RAB3B: variants seen among roughly 807,000 people sequenced by gnomAD.
RAB3B encodes the protein RAB3B, member RAS oncogene family.
RAB3B carries 11 observed loss-of-function variants against 20.5 expected under a neutral mutation model. That is an observed-to-expected ratio of 0.54 (90% CI 0.34 to 0.89). The LOEUF (loss-of-function observed/expected upper bound fraction) is 0.89, where lower values mean the gene tolerates loss of function less well. RAB3B is among the 40% of genes least tolerant of loss of function. The probability of loss-of-function intolerance (pLI) is 0.02; values close to 1 mark genes in which losing one functional copy is unlikely to be tolerated. For missense variants in RAB3B, 225 were observed against 280.9 expected, an observed-to-expected ratio of 0.80 and a Z score of 1.42; for synonymous variants, 99 against 106.3, an observed-to-expected ratio of 0.93 and a Z score of 0.42.
chr1:51,985,562 C>T (rs909912622), intron 1 of RAB3B, among the ~76,000 whole-genome samples: 1 of 152,172 alleles, frequency 6.6e-6, no homozygotes, highest in Non-Finnish European at 1.5e-5. Flanking sequence ...CCAGCTTTCC[C>T]AGTAACTCAG....
rs1221017349 is a variant in RAB3B, at chr1:51,910,530, A to G, written c.*9397T>C. 5 of 152,196 alleles carry G rather than the reference A, an allele frequency of 3.3e-5. No homozygotes were observed. The highest frequency in any genetic ancestry group is 7.2e-5 in the African/African-American group (3 of 41,442). The allele number at this position is 152,196 out of a possible 1,614,324, so 9.4% of individuals were successfully genotyped here. A position where few individuals can be genotyped will look rare whatever the true frequency, so the allele number is the denominator to read the frequency against. On this transcript the variant is annotated 3_prime_UTR_variant, in exon 5 of 5. Transcript: ENST00000371655. ...ACAAATTGCTAAGATGCTTTCTGGC[A>G]GCCTCAGAAACCAGGACCATACGCC...
intron 4 of RAB3B, among the ~76,000 whole-genome samples, chr1:51,930,294 T>C (rs1684304715): frequency 6.6e-6 from 1 of 152,216 alleles, no homozygotes; most frequent in Non-Finnish European, 1.5e-5. Context: ...TTTGAGAGTA[T>C]TGGACATGCT....
At chr1:51,989,103 G>GCACACACACACACACACACACA (rs60307928) in intron 1 of RAB3B, among the ~76,000 whole-genome samples, 35 of 132,762 alleles carry the variant, frequency 2.6e-4, no homozygotes, top group South Asian at 1.0e-3. Context: ...CTGTGCGCGC[G>GCACACACACACACACACACACA]CACACACACA....
chr1:51,960,391 T>C (rs1017076070), intron 2 of RAB3B, among the ~76,000 whole-genome samples: 1 of 152,124 alleles, frequency 6.6e-6, no homozygotes, highest in African/African-American at 2.4e-5. Flanking sequence ...CTCCCAGCCA[T>C]CTGGGCCTCA....
rs776534915 is a variant in RAB3B at position 51,916,463 on chromosome 1, T to C, written c.*3464A>G. ...AAATCCTAGTACTAGAGTAGGTGAGTGTTAATGACCAGAAAAAAATAGTAA... is the reference window on the plus strand; with the variant it reads ...AAATCCTAGTACTAGAGTAGGTGAGCGTTAATGACCAGAAAAAAATAGTAA... On this transcript the variant is annotated 3_prime_UTR_variant, in exon 5 of 5. Coordinates refer to ENST00000371655, the MANE Select transcript of RAB3B (RefSeq NM_002867.4). The C allele has an allele frequency of 5.9e-5, 9 of 152,126 alleles. No homozygotes were observed. The highest frequency in any genetic ancestry group is 8.8e-5 in the Non-Finnish European group (6 of 68,028). The allele number at this position is 152,126 out of a possible 1,614,324, so 9.4% of individuals were successfully genotyped here.
chr1:51,931,551 C>A (rs1684323517), intron 4 of RAB3B, among the ~76,000 whole-genome samples: 1 of 152,068 alleles, frequency 6.6e-6, no homozygotes, highest in Non-Finnish European at 1.5e-5. Flanking sequence ...TAAAATTAAC[C>A]AAAACATATT....
chr1:51,924,342 A>G (rs1268553663), intron 4 of RAB3B, among the ~76,000 whole-genome samples: 1 of 152,216 alleles, frequency 6.6e-6, no homozygotes, highest in African/African-American at 2.4e-5. Context: ...CAGGGCACAG[A>G]GAAAGCATCT....
chr1:51,949,663 A>C (rs961759381), intron 2 of RAB3B, among the ~76,000 whole-genome samples: 1 of 152,212 alleles, frequency 6.6e-6, no homozygotes, highest in Non-Finnish European at 1.5e-5. Context: ...AAAGCTCCAG[A>C]GGGGTGTTAC....
intron 2 of RAB3B, among the ~76,000 whole-genome samples, chr1:51,962,785 C>T (rs1684801285): frequency 6.6e-6 from 1 of 152,168 alleles, no homozygotes; most frequent in Non-Finnish European, 1.5e-5. Context: ...AATCAAAGCC[C>T]GGCTCTCCCT....
intron 3 of RAB3B, among the ~76,000 whole-genome samples, chr1:51,934,296 C>T (rs1490113289): frequency 6.6e-6 from 1 of 152,112 alleles, no homozygotes; most frequent in African/African-American, 2.4e-5. Flanking sequence ...TCCTCCAGGG[C>T]CCAGTGCTGA....
At chr1:51,967,521 C>CTTTTTTTTTTTTTCTTTTTTTT (rs771044746) in intron 2 of RAB3B, among the ~76,000 whole-genome samples, 1 of 36,496 alleles carries the variant, frequency 2.7e-5, no homozygotes, top group Non-Finnish European at 5.7e-5. Context: ...TTTTCTTTTT[C>CTTTTTTTTTTTTTCTTTTTTTT]TTTTTTTTTT....
Position 51,918,092 on chromosome 1 carries a change from A to C in RAB3B, c.*1835T>G, listed in dbSNP as rs1423078088. ...GCCAAGCAAGCTAGAATAATGAGCT[A>C]ATTTATTCTGGTCTCTGAGTTTCTT... On this transcript the variant is annotated 3_prime_UTR_variant, in exon 5 of 5. Transcript: ENST00000371655. 6.6e-6 allele frequency: 1 copy of C among 152,268 alleles called. No individual in the cohort carries two copies. Among genetic ancestry groups the C allele is most frequent in the East Asian group, 1.9e-4 (1 of 5,174 alleles). 9.4% of individuals were successfully genotyped at this position (152,268 alleles called of 1,614,324 possible).
In RAB3B at chr1:51,909,193, T is replaced by C. The variant is rs1683963711; in HGVS notation, c.*10734A>G. The C allele has an allele frequency of 6.6e-6, 1 of 152,068 alleles. No homozygotes were observed. Among genetic ancestry groups the C allele is most frequent in the Non-Finnish European group, 1.5e-5 (1 of 68,042 alleles). The allele number at this position is 152,068 out of a possible 1,614,324, so 9.4% of individuals were successfully genotyped here. On this transcript the variant is annotated 3_prime_UTR_variant, in exon 5 of 5. Transcript: ENST00000371655. The stretch of plus-strand genomic sequence containing the variant: ...GTTAGGTTCCTGGGACAGGAGTGTG[T>C]ATTGAGGTGGAGGGAAGGAGCTGAA...
chr1:51,929,520 A>G (rs1028517639), intron 4 of RAB3B, among the ~76,000 whole-genome samples: 4 of 151,928 alleles, frequency 2.6e-5, no homozygotes, highest in African/African-American at 9.7e-5. Flanking sequence ...CACCATGTTG[A>G]CCAGGTTGGT....
chr1:51,951,051 C>T (rs568541963), intron 2 of RAB3B, among the ~76,000 whole-genome samples: 37 of 152,044 alleles, frequency 2.4e-4, no homozygotes, highest in Admixed American at 1.9e-3. Context: ...ATATAGACCA[C>T]ATTATAGAGC....
chr1:51,920,333 C>T (rs993664727), intron 4 of RAB3B, among the ~76,000 whole-genome samples: 8 of 152,190 alleles, frequency 5.3e-5, no homozygotes, highest in South Asian at 2.1e-4. Flanking sequence ...GCTCTACCAC[C>T]GCCCAGCTGT....
chr1:51,943,534 A>C (rs1194152378), intron 2 of RAB3B, among the ~76,000 whole-genome samples: 2 of 152,238 alleles, frequency 1.3e-5, no homozygotes, highest in East Asian at 3.8e-4. Flanking sequence ...CCAAGAACTG[A>C]GATGGGCCGA....
intron 2 of RAB3B, among the ~76,000 whole-genome samples, chr1:51,937,761 T>C (rs939703612): frequency 6.6e-6 from 1 of 152,098 alleles, no homozygotes; most frequent in African/African-American, 2.4e-5. Context: ...CCTCCCAAAG[T>C]GCTGGGATTA....
chr1:51,938,853 G>A (rs947210957), intron 2 of RAB3B, among the ~76,000 whole-genome samples: 7 of 151,784 alleles, frequency 4.6e-5, no homozygotes, highest in Admixed American at 3.3e-4. Flanking sequence ...TACAGATGAC[G>A]TTTTACCATG....
Sources: allele counts gnomAD v4.1 joint callset (sites outside exome capture counted in the v4.1 genomes callset), GRCh38; gene constraint gnomAD v4.1.1; transcripts MANE v1.5; gene names NCBI Gene and HGNC (gene_info 2026-07-23, HGNC 2026-07-21).